SLC11A2: variants seen among roughly 807,000 people sequenced by gnomAD.
SLC11A2 encodes natural resistance-associated macrophage protein 2.
Under a neutral mutation model 68.0 loss-of-function variants are expected in SLC11A2, and 38 were observed. The observed-to-expected ratio is 0.56, with a 90% CI of 0.43 to 0.73. SLC11A2 has a LOEUF of 0.73. Among genes scored for constraint, SLC11A2 ranks in the 30% least tolerant of loss-of-function variants. The pLI, the probability that SLC11A2 is intolerant of heterozygous loss-of-function variation, is 0.00. For synonymous variants in SLC11A2, 242 were observed against 250.6 expected, an observed-to-expected ratio of 0.97 and a Z score of 0.32; for missense variants, 517 against 690.5, an observed-to-expected ratio of 0.75 and a Z score of 2.82.
intron 9 of SLC11A2, among the ~76,000 whole-genome samples, chr12:50,996,578 T>C (rs61934765): frequency 6.8e-6 from 1 of 147,242 alleles, no homozygotes; most frequent in South Asian, 2.1e-4. Context: ...TCCATCTCAA[T>C]TTAAAAAAAA....
chr12:51,018,960 T>TC (rs201819047), intron 1 of SLC11A2, among the ~76,000 whole-genome samples: 2,355 of 152,288 alleles, frequency 0.015, 32 homozygotes, highest in Middle Eastern at 0.034. Context: ...TCCTTTTTTT[T>TC]CATCACCTTC....
At chr12:51,012,889 T>C (rs1243631512) in intron 1 of SLC11A2, among the ~76,000 whole-genome samples, 1 of 152,158 alleles carries the variant, frequency 6.6e-6, no homozygotes. Context: ...TCAATGACAA[T>C]AGCACCTCAC....
intron 1 of SLC11A2, 61 bp downstream of exon 1, chr12:51,026,249 C>A: frequency 8.2e-7 from 1 of 1,226,384 alleles, no homozygotes; most frequent in African/African-American, 1.6e-5. Context: ...CTCGAGCCGC[C>A]CCGCGCCCCT....
At chr12:51,000,232 A>C in intron 6 of SLC11A2, 81 bp downstream of exon 6, 2 of 1,039,842 alleles carry the variant, frequency 1.9e-6, no homozygotes, top group Non-Finnish European at 3.0e-6. Context: ...TTCAAAATTA[A>C]AAATGAATTG....
At chr12:50,995,460 C>T (rs972711553) in intron 10 of SLC11A2, among the ~76,000 whole-genome samples, 169 bp downstream of exon 10, 3 of 152,170 alleles carry the variant, frequency 2.0e-5, no homozygotes, top group African/African-American at 7.2e-5. Flanking sequence ...TGGTCAGCCC[C>T]ATACTGTAGA....
rs186485630 is a variant in SLC11A2, at chr12:50,992,105, C to T, written c.1347+85G>A. The T allele has an allele frequency of 1.2e-4, 159 of 1,323,408 alleles. No homozygotes were observed. The East Asian group carries it at 3.6e-3, about 30-fold the overall frequency. 82.0% of individuals were successfully genotyped at this position (1,323,408 alleles called of 1,614,324 possible). On this transcript the variant is annotated intron_variant, in intron 13 of 15. Transcript: ENST00000262052. ...CTCTGTCTTCCTCTCAATATCCCCC[C>T]AGCACTCAGCTAGGCTTGGTACCCA... is the stretch of plus-strand genomic sequence containing the variant.
chr12:51,000,773 G>A (rs1942134017), intron 5 of SLC11A2: 2 of 574,000 alleles, frequency 3.5e-6, no homozygotes, highest in Non-Finnish European at 6.1e-6. Flanking sequence ...GAATAAGGAT[G>A]CTAATACGGT....
chr12:50,984,942 T>C (rs1206726211), downstream of SLC11A2, among the ~76,000 whole-genome samples: 3 of 152,100 alleles, frequency 2.0e-5, no homozygotes, highest in African/African-American at 7.2e-5. Context: ...AATGAAAACA[T>C]GGGTTCTGGA....
At chr12:51,017,000 A>C (rs530544704) in intron 1 of SLC11A2, among the ~76,000 whole-genome samples, 8 of 152,122 alleles carry the variant, frequency 5.3e-5, no homozygotes, top group African/African-American at 1.9e-4. Flanking sequence ...GTGACAAAGC[A>C]AGACCCTGTC....
At chr12:50,998,266 C>T (rs933148128) in intron 8 of SLC11A2, among the ~76,000 whole-genome samples, 4 of 152,024 alleles carry the variant, frequency 2.6e-5, no homozygotes, top group African/African-American at 9.7e-5. Flanking sequence ...GGCTGAGGCA[C>T]AAGAACCACT....
At chr12:51,015,202 G>A (rs1456776734) in intron 1 of SLC11A2, among the ~76,000 whole-genome samples, 5 of 144,606 alleles carry the variant, frequency 3.5e-5, no homozygotes, top group Non-Finnish European at 7.5e-5. Context: ...GGGGCCGGGC[G>A]CAGTGGCTCA....
chr12:51,007,982 T>G (rs895880104), intron 3 of SLC11A2, among the ~76,000 whole-genome samples: 1 of 152,106 alleles, frequency 6.6e-6, no homozygotes, highest in African/African-American at 2.4e-5. Flanking sequence ...GAAGGATAGC[T>G]TGAGGCCAGG....
intron 5 of SLC11A2, among the ~76,000 whole-genome samples, chr12:51,001,745 G>A (rs1942262840): frequency 6.6e-6 from 1 of 151,888 alleles, no homozygotes; most frequent in South Asian, 2.1e-4. Flanking sequence ...GAGGCAGGAG[G>A]ACAGCCTAAG....
the SLC11A2 span, among the ~76,000 whole-genome samples, chr12:50,961,931 C>T: frequency 2.6e-5 from 4 of 152,150 alleles, no homozygotes; most frequent in African/African-American, 9.7e-5. Flanking sequence ...AGTTACAGTC[C>T]TCATTTTCAT....
chr12:51,008,013 A>G (rs572077288), intron 3 of SLC11A2: 1 of 159,760 alleles, frequency 6.3e-6, no homozygotes, highest in Non-Finnish European at 1.4e-5. Flanking sequence ...CAGCCTGGGC[A>G]ACATAGTGAG....
intron 1 of SLC11A2, among the ~76,000 whole-genome samples, chr12:51,023,171 G>T (rs1427916813): frequency 6.6e-6 from 1 of 152,230 alleles, no homozygotes. Flanking sequence ...GCAAGGCTGG[G>T]CGCAGTGGCT....
At chr12:50,966,349 T>C in the SLC11A2 span, among the ~76,000 whole-genome samples, 1 of 152,224 alleles carries the variant, frequency 6.6e-6, no homozygotes, top group Non-Finnish European at 1.5e-5. Flanking sequence ...CCAATCTCCC[T>C]AATCCTTTGG....
chr12:51,022,411 TAA>T (rs1252372042), intron 1 of SLC11A2, among the ~76,000 whole-genome samples: 6 of 75,606 alleles, frequency 7.9e-5, no homozygotes, highest in African/African-American at 1.1e-4. Flanking sequence ...CAGTCTCCAT[TAA>T]AAAAAAAAAA....
chr12:50,997,679 CA>C (rs35477132), intron 8 of SLC11A2, among the ~76,000 whole-genome samples: 43 of 44,972 alleles, frequency 9.6e-4, no homozygotes, highest in African/African-American at 4.5e-3. Context: ...GACTCTGTCT[CA>C]AAAAAAAAAA....
Sources: allele counts gnomAD v4.1 joint callset (sites outside exome capture counted in the v4.1 genomes callset), GRCh38; gene constraint gnomAD v4.1.1; transcripts MANE v1.5; gene names NCBI Gene and HGNC (gene_info 2026-07-23, HGNC 2026-07-21).